The following CYP2C8 variants were observed in gnomAD, a reference collection of about 807,000 sequenced individuals.
CYP2C8 encodes cytochrome P450 2C8.
A neutral mutation model predicts 41.3 loss-of-function variants in CYP2C8; 51 were observed. The observed-to-expected ratio is 1.24, with a 90% confidence interval of 0.99 to 1.56. The LOEUF (loss-of-function observed/expected upper bound fraction) is 1.56, where lower values mean the gene tolerates loss of function less well. Ranked by LOEUF, CYP2C8 falls within the 40% of genes most tolerant of loss-of-function variation. CYP2C8 has a pLI of 0.00. For missense variants in CYP2C8, 651 were observed against 579.9 expected, an observed-to-expected ratio of 1.12 and a Z score of -1.26; for synonymous variants, 218 against 205.8, an observed-to-expected ratio of 1.06 and a Z score of -0.51.
rs1254266419 is a variant in CYP2C8, at chr10:95,067,179, G to A, written c.481+29C>T. The stretch of plus-strand genomic sequence containing the variant: ...ACTAGTGAAGACAGGTAACTGTTAA[G>A]GTCAATGACGCAGAGTAGAGTCACC... On this transcript the variant is annotated intron_variant, in intron 3 of 8. Transcript: ENST00000371270. 13 of 1,613,836 alleles carry A rather than the reference G, an allele frequency of 8.1e-6. No individual in the cohort carries two copies. The African/African-American group carries it at 1.2e-4, about 15-fold the overall frequency.
intron 6 of CYP2C8, among the ~76,000 whole-genome samples, chr10:95,044,393 C>T (rs563327184): frequency 3.0e-4 from 46 of 152,234 alleles, no homozygotes; most frequent in Non-Finnish European, 5.6e-4. Flanking sequence ...ACTTCTGGTG[C>T]TCTGAAATTC....
intron 6 of CYP2C8, among the ~76,000 whole-genome samples, chr10:95,044,951 C>T (rs1334210240): frequency 1.3e-5 from 2 of 152,208 alleles, no homozygotes; most frequent in Non-Finnish European, 2.9e-5. Context: ...CCTCCATTGT[C>T]TCTCCATGTT....
intron 3 of CYP2C8, 106 bp downstream of exon 3, chr10:95,067,101 AC>A: frequency 6.7e-7 from 1 of 1,500,326 alleles, no homozygotes; most frequent in Non-Finnish European, 9.3e-7. Context: ...AGGGCTGACA[AC>A]CAGGATGCGC....
At chr10:95,040,924 A>C (rs559504997) in intron 7 of CYP2C8, 291 of 456,308 alleles carry the variant, frequency 6.4e-4, no homozygotes, top group Non-Finnish European at 1.1e-3. Flanking sequence ...TTTCTCACCT[A>C]GTTTTATGCA....
rs2033523231 is a variant in CYP2C8, at chr10:95,064,818, C to T, written c.624G>A (p.Leu208=). 6.2e-7 allele frequency: 1 copy of T among 1,613,836 alleles called. No individual in the cohort carries two copies. The highest frequency in any genetic ancestry group is 1.3e-5 in the African/African-American group (1 of 74,890). Residue 208 remains leucine, a synonymous_variant, in exon 4 of 9, where the codon CTG becomes CTA. Transcript: ENST00000371270. ...MKRFNENFRI[L]NSPWIQVCNN... ...GCCTTACCTGGATCCATGGGGAGTT[C>T]AGAATCCTGAAGTTTTCATTGAATC...
intron 5 of CYP2C8, among the ~76,000 whole-genome samples, chr10:95,054,167 G>C (rs1177216189): frequency 6.6e-6 from 1 of 151,918 alleles, no homozygotes; most frequent in Non-Finnish European, 1.5e-5. Flanking sequence ...GTAGCAACTT[G>C]TATATTATGG....
At chr10:95,058,280 A>T in intron 5 of CYP2C8, 55 bp downstream of exon 5, 1 of 1,607,788 alleles carries the variant, frequency 6.2e-7, no homozygotes, top group South Asian at 1.1e-5. Context: ...GAAGGATTCG[A>T]TGAATCACAA....
chr10:95,054,730 C>T (rs532890839), intron 5 of CYP2C8, among the ~76,000 whole-genome samples: 4 of 152,182 alleles, frequency 2.6e-5, no homozygotes, highest in South Asian at 2.1e-4. Context: ...TAAGATTGGT[C>T]CAGATATCAG....
chr10:95,041,738 G>A (rs1374334611), intron 7 of CYP2C8, among the ~76,000 whole-genome samples: 3 of 140,690 alleles, frequency 2.1e-5, no homozygotes, highest in East Asian at 2.2e-4. Flanking sequence ...CCGAGATTGC[G>A]CCACTGCAGT....
intron 7 of CYP2C8, 100 bp downstream of exon 7, chr10:95,042,790 T>C: frequency 1.0e-6 from 1 of 993,874 alleles, no homozygotes; most frequent in South Asian, 1.3e-5. Context: ...TGTATGAGTT[T>C]TGCACTTCTC....
chr10:95,046,265 A>G (rs11572154), intron 5 of CYP2C8, among the ~76,000 whole-genome samples: 156 of 152,360 alleles, frequency 1.0e-3, no homozygotes, highest in Non-Finnish European at 1.7e-3. Context: ...GTTATAAAAC[A>G]GAATACTATA....
At chr10:95,039,415 A>G (rs1210797330) in intron 7 of CYP2C8, 2 of 270,116 alleles carry the variant, frequency 7.4e-6, no homozygotes, top group East Asian at 1.9e-4. Flanking sequence ...TGAAATGTCC[A>G]GAGTATCTGT....
rs532029640 is a variant in CYP2C8, at chr10:95,050,820, G to A, written c.820-4869C>T. On this transcript the variant is annotated intron_variant, in intron 5 of 8. Transcript: ENST00000371270. Reference sequence around the variant, plus strand: ...TGGTGCAGTATTCTAGGGGCAAATCGAAAATAGGTTAAGTCCTTTTTAATA... The same window carrying A: ...TGGTGCAGTATTCTAGGGGCAAATCAAAAATAGGTTAAGTCCTTTTTAATA... Among the ~76,000 whole-genome samples the A allele has an allele frequency of 6.6e-5, 10 of 152,138 alleles. No homozygotes were observed. The South Asian group carries it at 1.2e-3, about 19-fold the overall frequency.
Position 95,037,302 on chromosome 10 carries a change from T to G in CYP2C8, c.1299A>C (p.Arg433=). 6.2e-7 allele frequency: 1 copy of G among 1,613,308 alleles called. No individual in the cohort carries two copies. The highest frequency in any genetic ancestry group is 8.5e-7 in the Non-Finnish European group (1 of 1,179,690). The stretch of plus-strand genomic sequence containing the variant: ...GGGCAAGTCCTTCTCCTGCACAAAT[T>G]CGTTTTCCTGAAGATAACAAAGAAA... ...DYFMPFSAGK[R]ICAGEGLARM... is the part of the protein sequence containing the mutation. The change falls in exon 9 of 9, where the codon CGA becomes CGC. Residue 433 remains arginine (R), a synonymous_variant. Transcript: ENST00000371270.
At chr10:95,056,414 A>C (rs2033315734) in intron 5 of CYP2C8, among the ~76,000 whole-genome samples, 1 of 152,204 alleles carries the variant, frequency 6.6e-6, no homozygotes, top group Non-Finnish European at 1.5e-5. Context: ...CCCTGGAAAA[A>C]TGAAAATATA....
intron 8 of CYP2C8, 27 bp from the exon 9 acceptor site, chr10:95,037,336 T>C (rs770644728): frequency 2.5e-6 from 4 of 1,605,258 alleles, no homozygotes; most frequent in Non-Finnish European, 3.4e-6. Flanking sequence ...AAGGAAGTAG[T>C]TACTCCTTGT....
chr10:95,048,054 A>AT (rs1304275472), intron 5 of CYP2C8, among the ~76,000 whole-genome samples: 1 of 152,130 alleles, frequency 6.6e-6, no homozygotes, highest in East Asian at 1.9e-4. Flanking sequence ...TGCCCTTTCC[A>AT]TGGATTACTA....
At chr10:95,056,551 G>A (rs544743668) in intron 5 of CYP2C8, among the ~76,000 whole-genome samples, 6 of 152,204 alleles carry the variant, frequency 3.9e-5, no homozygotes, top group African/African-American at 1.2e-4. Flanking sequence ...ACATGAAAAT[G>A]GAATATTATT....
intron 7 of CYP2C8, chr10:95,041,018 A>G: frequency 2.2e-6 from 1 of 455,908 alleles, no homozygotes; most frequent in South Asian, 1.5e-5. Flanking sequence ...ATGAATACAG[A>G]AGTCCTGAAC....
Sources: allele counts gnomAD v4.1 joint callset (sites outside exome capture counted in the v4.1 genomes callset), GRCh38; gene constraint gnomAD v4.1.1; transcripts MANE v1.5; gene names NCBI Gene and HGNC (gene_info 2026-07-23, HGNC 2026-07-21).